Variants in REV1 observed in about 807,000 individuals in gnomAD.
REV1 encodes translesion synthesis protein REV1.
In REV1, 42 loss-of-function variants were observed where a neutral mutation model predicts 137.4. That is an observed-to-expected ratio of 0.31 (90% CI 0.24 to 0.40). REV1 has a LOEUF of 0.40. Ranked by LOEUF, REV1 falls within the 10% of genes least tolerant of loss-of-function variation. The pLI is 1.00. For missense variants in REV1, 1,282 were observed against 1,490.1 expected, an observed-to-expected ratio of 0.86 and a Z score of 2.30; for synonymous variants, 524 against 519.2, an observed-to-expected ratio of 1.01 and a Z score of -0.12.
At chr2:99,485,979 G>A (rs1167735665) in intron 1 of REV1, among the ~76,000 whole-genome samples, 1 of 152,142 alleles carries the variant, frequency 6.6e-6, no homozygotes, top group Non-Finnish European at 1.5e-5. Flanking sequence ...TAAAAGACTA[G>A]CCAGGCATGG....
chr2:99,439,060 T>A lies in REV1; in HGVS notation c.754A>T (p.Arg252Trp). 1 of 1,614,166 alleles carries A rather than the reference T, an allele frequency of 6.2e-7. No homozygotes were observed. The highest frequency in any genetic ancestry group is 8.5e-7 in the Non-Finnish European group (1 of 1,180,000). ...TCCTGGGAAAAGGCTGGAGAAAGCC[T>A]GCTGGCAACACTGTTGACCATGGGC... ...LVPMVNSVAS[R>W]LSPAFSQEED... The change falls in exon 6 of 23, where the codon AGG (arginine) becomes TGG (tryptophan). Residue 252 changes from arginine to tryptophan, a missense_variant. Transcript: ENST00000258428.
intron 9 of REV1, among the ~76,000 whole-genome samples, chr2:99,428,572 A>T (rs550858353): frequency 6.6e-6 from 1 of 152,206 alleles, no homozygotes; most frequent in South Asian, 2.1e-4. Context: ...ATGCTTTTTA[A>T]CTTAAATATA....
chr2:99,461,952 T>C (rs574532136), intron 3 of REV1, among the ~76,000 whole-genome samples: 20 of 152,314 alleles, frequency 1.3e-4, no homozygotes, highest in African/African-American at 4.8e-4. Flanking sequence ...TAGGCACAGC[T>C]GGTGGGGAGG....
chr2:99,442,142 C>T (rs1275653881), intron 5 of REV1, among the ~76,000 whole-genome samples, 175 bp downstream of exon 5: 4 of 150,468 alleles, frequency 2.7e-5, no homozygotes, highest in Admixed American at 6.7e-5. Flanking sequence ...AGCCTAGCTA[C>T]TCGGGAGGCT....
Position 99,406,089 on chromosome 2 carries a change from C to A in REV1, c.2632G>T (p.Asp878Tyr). The A allele has an allele frequency of 6.2e-7, 1 of 1,612,218 alleles. No individual in the cohort carries two copies. Residue 878 changes from aspartate (D) to tyrosine (Y), a missense_variant, in exon 17 of 23, where the codon GAT becomes TAT. This residue lies in a region of REV1 where 372 missense variants were observed against 482.3 expected (regional missense o/e 0.77). Transcript: ENST00000258428. ...EHKEVFRAAVDLEISSASRTC... is the reference protein window; with the variant it reads ...EHKEVFRAAVYLEISSASRTC... ...CTAGAAGCAGATGATATTTCCAGAT[C>A]CACAGCAGCCCGAAATACTACAAAA...
At chr2:99,410,643 A>C (rs1299089447) in intron 14 of REV1, 52 bp downstream of exon 14, 1 of 1,449,210 alleles carries the variant, frequency 6.9e-7, no homozygotes, top group Non-Finnish European at 9.3e-7. Flanking sequence ...TATTACTTAC[A>C]ACAACCTGTA....
intron 1 of REV1, among the ~76,000 whole-genome samples, chr2:99,486,695 G>A (rs1687177513): frequency 6.6e-6 from 1 of 152,142 alleles, no homozygotes; most frequent in African/African-American, 2.4e-5. Context: ...GTAAATGGTG[G>A]GAGCCAGAGA....
At chr2:99,458,615 A>C (rs1205678713) in intron 3 of REV1, among the ~76,000 whole-genome samples, 1 of 152,242 alleles carries the variant, frequency 6.6e-6, no homozygotes, top group East Asian at 1.9e-4. Context: ...ACAAATGTTC[A>C]TAGCCTACCA....
At chr2:99,457,336 T>TA (rs925179780) in intron 3 of REV1, among the ~76,000 whole-genome samples, 1 of 152,234 alleles carries the variant, frequency 6.6e-6, no homozygotes, top group African/African-American at 2.4e-5. Flanking sequence ...AGGTTTAATG[T>TA]AATTCCTATC....
intron 3 of REV1, among the ~76,000 whole-genome samples, chr2:99,458,897 G>A (rs1199786957): frequency 6.6e-6 from 1 of 152,182 alleles, no homozygotes; most frequent in Non-Finnish European, 1.5e-5. Flanking sequence ...GACTATGAAA[G>A]AGTAACATGA....
At chr2:99,445,767 T>C (rs971672402) in intron 4 of REV1, among the ~76,000 whole-genome samples, 2 of 152,192 alleles carry the variant, frequency 1.3e-5, no homozygotes, top group East Asian at 1.9e-4. Flanking sequence ...AGGCTCCTCA[T>C]GAAAGGATTC....
chr2:99,410,205 T>C (rs1416872323), intron 14 of REV1, among the ~76,000 whole-genome samples: 1 of 152,108 alleles, frequency 6.6e-6, no homozygotes, highest in African/African-American at 2.4e-5. Context: ...GAAATGGAGT[T>C]TCACCATGTT....
intron 1 of REV1, among the ~76,000 whole-genome samples, chr2:99,488,997 C>T (rs1460718783): frequency 6.6e-6 from 1 of 152,190 alleles, no homozygotes; most frequent in African/African-American, 2.4e-5. Flanking sequence ...CGTATATTAT[C>T]TGCAATTTAT....
intron 6 of REV1, among the ~76,000 whole-genome samples, chr2:99,436,980 CT>C (rs898496297): frequency 1.1e-4 from 16 of 145,716 alleles, no homozygotes; most frequent in Non-Finnish European, 1.8e-4. Flanking sequence ...TCTCCCCCAA[CT>C]TTTTTTTTGT....
upstream of REV1, among the ~76,000 whole-genome samples, chr2:99,490,190 C>G (rs1342590873): frequency 1.3e-5 from 2 of 151,158 alleles, no homozygotes; most frequent in Admixed American, 1.3e-4. Context: ...GCGTCGGCCT[C>G]CGTGTTCCTC....
At chr2:99,462,319 A>G (rs1684310002) in intron 3 of REV1, among the ~76,000 whole-genome samples, 177 bp downstream of exon 3, 1 of 152,248 alleles carries the variant, frequency 6.6e-6, no homozygotes, top group Admixed American at 6.5e-5. Context: ...GTTAAAGACA[A>G]TGGCAGGTAA....
rs141424358 is a variant in REV1 at position 99,421,527 on chromosome 2, C to T, written c.1803G>A (p.Gln601=). 4.9e-4 allele frequency: 788 copies of T among 1,614,012 alleles called. 2 individuals carry two copies. The highest frequency in any genetic ancestry group is 6.2e-4 in the Non-Finnish European group (728 of 1,179,948). The change falls in exon 11 of 23, where the codon CAG becomes CAA. Residue 601 remains glutamine (Q), a synonymous_variant. Transcript: ENST00000258428. ...ANAVRMEIKD[Q]TKCAASVGIG... ...TTCCAACAGAGGCAGCACATTTCGT[C>T]TGGTCTTTGATTTCCATACGAACAG...
rs140100619 is a variant in REV1 at position 99,462,617 on chromosome 2, C to A, written c.60G>T (p.Gly20=). Residue 20 remains glycine (G), a synonymous_variant, in exon 3 of 23, where the codon GGG becomes GGT. Coordinates refer to ENST00000258428, the MANE Select transcript of REV1 (RefSeq NM_016316.4). ...ATTTCTGGACCTTGGCAGCCATATA[C>A]CCACCCTAGAATTAAAGAAAAGGTA... ...AENDGWETWG[G]YMAAKVQKLE... is the part of the protein sequence containing the mutation. 27 of 1,609,176 alleles carry A rather than the reference C, an allele frequency of 1.7e-5. No individual in the cohort carries two copies. The highest frequency in any genetic ancestry group is 2.2e-5 in the Non-Finnish European group (26 of 1,178,894).
At chr2:99,403,196 A>G (rs1448134666) in intron 19 of REV1, 90 bp from the exon 20 acceptor site, 1 of 1,089,724 alleles carries the variant, frequency 9.2e-7, no homozygotes, top group African/African-American at 1.6e-5. Flanking sequence ...CCTCCCAAAT[A>G]CAACAGGCTC....
Sources: gnomAD v4.1 joint callset for allele counts (sites outside exome capture counted in the v4.1 genomes callset) on GRCh38, gnomAD v4.1.1 for gene constraint, gnomAD v4.1.1 regional missense constraint, MANE v1.5 for transcripts, NCBI Gene and HGNC (gene_info 2026-07-23, HGNC 2026-07-21) for gene names.